CEP112: variants seen among roughly 807,000 people sequenced by gnomAD.
CEP112 encodes the protein centrosomal protein 112, also known as centrosomal protein of 112 kDa.
A neutral mutation model predicts 153.0 loss-of-function variants in CEP112; 127 were observed. The observed-to-expected ratio is 0.83, with a 90% CI of 0.72 to 0.96. The LOEUF (loss-of-function observed/expected upper bound fraction) is 0.96. CEP112 is among the 40% of genes least tolerant of loss of function. CEP112 has a pLI of 0.00. For synonymous variants in CEP112, 358 were observed against 374.4 expected, an observed-to-expected ratio of 0.96 and a Z score of 0.51; for missense variants, 1,089 against 1,101.2, an observed-to-expected ratio of 0.99 and a Z score of 0.16.
chr17:65,737,143 C>A lies in CEP112; in HGVS notation c.2607+5925G>T, dbSNP rs139822278. Reference sequence around the variant, plus strand: ...AAGATTAGATAGTAGATTGAATGTTCCTCTCCCAACACCAAATAAAATGAG... The same window carrying A: ...AAGATTAGATAGTAGATTGAATGTTACTCTCCCAACACCAAATAAAATGAG... On this transcript the variant is annotated intron_variant, in intron 23 of 26. Coordinates refer to ENST00000535342, the MANE Select transcript of CEP112 (RefSeq NM_001199165.4). Among the ~76,000 whole-genome samples, 167 of 152,214 alleles carry A rather than the reference C, an allele frequency of 1.1e-3. 1 individual carries two copies. The highest frequency in any genetic ancestry group is 3.4e-3 in the Middle Eastern group (1 of 294).
intron 23 of CEP112, among the ~76,000 whole-genome samples, chr17:65,711,772 T>C (rs78997142): frequency 2.5e-3 from 387 of 152,258 alleles, no homozygotes; most frequent in African/African-American, 9.1e-3. Context: ...GGCAATAAAG[T>C]ACAAGAAGTG....
intron 23 of CEP112, among the ~76,000 whole-genome samples, chr17:65,715,039 G>A (rs2049421347): frequency 6.6e-6 from 1 of 152,126 alleles, no homozygotes; most frequent in African/African-American, 2.4e-5. Context: ...CAGGGGAGAA[G>A]TAGTAAGTGT....
chr17:65,939,738 A>G (rs1392121223), intron 18 of CEP112, among the ~76,000 whole-genome samples: 1 of 152,230 alleles, frequency 6.6e-6, no homozygotes, highest in Non-Finnish European at 1.5e-5. Context: ...ACAAAAATAT[A>G]CTCAAAATGG....
chr17:65,969,456 G>A (rs1368114362), intron 17 of CEP112, among the ~76,000 whole-genome samples: 1 of 152,028 alleles, frequency 6.6e-6, no homozygotes, highest in Non-Finnish European at 1.5e-5. Flanking sequence ...CATCACACAT[G>A]TATCACATGC....
At chr17:65,840,311 A>C (rs2057470240) in intron 21 of CEP112, among the ~76,000 whole-genome samples, 1 of 152,152 alleles carries the variant, frequency 6.6e-6, no homozygotes, top group Non-Finnish European at 1.5e-5. Context: ...GCAGAGAAAT[A>C]TACACACTGA....
Position 66,061,959 on chromosome 17 carries a change from C to T in CEP112, c.1074+1004G>A, listed in dbSNP as rs1378780634. ...GTAACTGCATCATGGGGTCAGTTCC[C>T]CCAAGCTGTTCTCATGATAGTGAGT... On this transcript the variant is annotated intron_variant, in intron 11 of 26. Coordinates refer to ENST00000535342, the MANE Select transcript of CEP112 (RefSeq NM_001199165.4). Among the ~76,000 whole-genome samples the T allele has an allele frequency of 2.6e-5, 4 of 152,070 alleles. 1 individual carries two copies. The highest frequency in any genetic ancestry group is 1.3e-4 in the Admixed American group (2 of 15,264).
At chr17:65,953,717 C>G (rs1022844817) in intron 18 of CEP112, among the ~76,000 whole-genome samples, 1 of 152,064 alleles carries the variant, frequency 6.6e-6, no homozygotes, top group East Asian at 1.9e-4. Flanking sequence ...CTGTATGGCT[C>G]ACTAGAGGCA....
At chr17:66,134,542 T>C (rs760564956) in intron 4 of CEP112, among the ~76,000 whole-genome samples, 1 of 152,200 alleles carries the variant, frequency 6.6e-6, no homozygotes, top group Non-Finnish European at 1.5e-5. Flanking sequence ...AATGGCTCCA[T>C]AAAACCATTC....
At chr17:66,074,542 A>G (rs956627316) in intron 8 of CEP112, among the ~76,000 whole-genome samples, 2 of 152,142 alleles carry the variant, frequency 1.3e-5, no homozygotes, top group South Asian at 4.1e-4. Flanking sequence ...GCCTAGAAAC[A>G]TCACAAACTG....
intron 22 of CEP112, among the ~76,000 whole-genome samples, chr17:65,745,971 C>T (rs1170440784): frequency 6.6e-6 from 1 of 151,852 alleles, no homozygotes; most frequent in Non-Finnish European, 1.5e-5. Context: ...CGAGACCAGC[C>T]TGGCCAACAT....
intron 4 of CEP112, 112 bp downstream of exon 4, chr17:66,174,932 G>C: frequency 1.1e-5 from 7 of 637,698 alleles, no homozygotes; most frequent in East Asian, 3.1e-5. Context: ...TGCAGTTAAG[G>C]GAAAAGTAAA....
At chr17:65,759,115 T>A (rs2052457871) in intron 21 of CEP112, among the ~76,000 whole-genome samples, 1 of 152,056 alleles carries the variant, frequency 6.6e-6, no homozygotes, top group Non-Finnish European at 1.5e-5. Flanking sequence ...GCTGCTACAC[T>A]CCCACTGGCA....
intron 17 of CEP112, among the ~76,000 whole-genome samples, chr17:65,995,332 G>C (rs2145309322): frequency 6.6e-6 from 1 of 152,232 alleles, no homozygotes; most frequent in South Asian, 2.1e-4. Context: ...ATGATATACA[G>C]AAGTGCTCAT....
intron 17 of CEP112, among the ~76,000 whole-genome samples, chr17:65,999,273 C>T (rs1314978185): frequency 6.6e-6 from 1 of 150,438 alleles, no homozygotes; most frequent in African/African-American, 2.5e-5. Flanking sequence ...CACTATTCGG[C>T]TCACTGCAAG....
chr17:66,169,221 A>C (rs1385862337), intron 4 of CEP112, among the ~76,000 whole-genome samples: 1 of 151,960 alleles, frequency 6.6e-6, no homozygotes, highest in Non-Finnish European at 1.5e-5. Flanking sequence ...GACATAGCTG[A>C]GTAAAAAAAA....
intron 25 of CEP112, among the ~76,000 whole-genome samples, chr17:65,639,120 C>T (rs528037819): frequency 2.6e-5 from 4 of 152,006 alleles, no homozygotes; most frequent in East Asian, 3.9e-4. Flanking sequence ...GAAGCAAAAT[C>T]GCAAACAGTA....
At position 65,795,615 on chromosome 17, in the gene CEP112, C is replaced by T. The variant is rs1306479361; in HGVS notation, c.2395-44891G>A. Among the ~76,000 whole-genome samples the T allele has an allele frequency of 4.6e-5, 7 of 152,164 alleles. No homozygotes were observed. In the East Asian group the frequency reaches 1.4e-3, roughly 30 times the overall value. ...TCACTTGAGGTCAGGAGTTCAAGAC[C>T]AGCCTGGCCAACATGGCAAAACCTC... On this transcript the variant is annotated intron_variant, in intron 21 of 26. Transcript: ENST00000535342.
At chr17:66,133,157 G>A (rs1184882353) in intron 4 of CEP112, among the ~76,000 whole-genome samples, 2 of 150,994 alleles carry the variant, frequency 1.3e-5, no homozygotes, top group East Asian at 3.9e-4. Context: ...TAAATTATAA[G>A]AAGTTACATA....
chr17:65,847,065 G>T (rs1285156247), intron 21 of CEP112, among the ~76,000 whole-genome samples: 10 of 152,138 alleles, frequency 6.6e-5, no homozygotes, highest in Non-Finnish European at 1.5e-4. Context: ...GGACTCTGAG[G>T]TTGGTGAATT....
Sources: allele counts gnomAD v4.1 joint callset (sites outside exome capture counted in the v4.1 genomes callset), GRCh38; gene constraint gnomAD v4.1.1; transcripts MANE v1.5; gene names NCBI Gene and HGNC (gene_info 2026-07-23, HGNC 2026-07-21).